Variants in KDM4C observed in about 807,000 individuals in gnomAD.
The protein encoded by KDM4C is lysine-specific demethylase 4C.
In KDM4C, 81 loss-of-function variants were observed where a neutral mutation model predicts 129.3. The observed-to-expected ratio is 0.63, with a 90% confidence interval of 0.52 to 0.75. The LOEUF (loss-of-function observed/expected upper bound fraction) is 0.75. Ranked by LOEUF, KDM4C falls within the 30% of genes least tolerant of loss-of-function variation. KDM4C has a pLI of 0.00. For missense variants in KDM4C, 1,457 were observed against 1,304.0 expected (o/e 1.12, Z -1.81); for synonymous variants, 573 against 456.1 (o/e 1.26, Z -3.26).
chr9:6,821,900 G>C (rs1564091797), intron 4 of KDM4C, among the ~76,000 whole-genome samples: 1 of 152,172 alleles, frequency 6.6e-6, no homozygotes, highest in Non-Finnish European at 1.5e-5. Context: ...CTCCCAAAGT[G>C]CTGGGATTAT....
At chr9:6,963,360 G>T (rs941528763) in intron 8 of KDM4C, among the ~76,000 whole-genome samples, 1 of 152,148 alleles carries the variant, frequency 6.6e-6, no homozygotes, top group African/African-American at 2.4e-5. Flanking sequence ...ACTCTGGTTG[G>T]GAGTTGCAGT....
intron 1 of KDM4C, among the ~76,000 whole-genome samples, chr9:6,759,476 AGTTT>A: frequency 6.6e-6 from 1 of 152,184 alleles, no homozygotes; most frequent in African/African-American, 2.4e-5. Flanking sequence ...ACCCGCCCAT[AGTTT>A]GTTTTGGAAC....
chr9:6,740,574 A>G (rs1243075928), intron 1 of KDM4C, among the ~76,000 whole-genome samples: 1 of 151,906 alleles, frequency 6.6e-6, no homozygotes, highest in East Asian at 1.9e-4. Flanking sequence ...GATCTAGTGC[A>G]GTGGCACGAT....
At chr9:7,088,339 G>C (rs113764398) in intron 17 of KDM4C, among the ~76,000 whole-genome samples, 132 of 152,288 alleles carry the variant, frequency 8.7e-4, no homozygotes, top group African/African-American at 3.0e-3. Context: ...CTTTAATCCA[G>C]CTCTTGTTGT....
chr9:6,821,778 G>A (rs1416122191), intron 4 of KDM4C, among the ~76,000 whole-genome samples: 5 of 151,684 alleles, frequency 3.3e-5, no homozygotes, highest in Non-Finnish European at 7.4e-5. Flanking sequence ...GGGATTACAG[G>A]TGCATGCCAC....
At chr9:7,122,555 A>G (rs1839619637) in intron 18 of KDM4C, among the ~76,000 whole-genome samples, 1 of 152,218 alleles carries the variant, frequency 6.6e-6, no homozygotes, top group Non-Finnish European at 1.5e-5. Context: ...TAGATGTTAC[A>G]TCATCTATTT....
intron 19 of KDM4C, among the ~76,000 whole-genome samples, chr9:7,161,573 C>T (rs940743168): frequency 6.6e-6 from 1 of 152,190 alleles, no homozygotes; most frequent in African/African-American, 2.4e-5. Context: ...AGATCTCCCC[C>T]CTTGCAAGGA....
At chr9:7,076,512 C>G (rs1833936495) in intron 17 of KDM4C, 3 of 1,547,168 alleles carry the variant, frequency 1.9e-6, no homozygotes, top group Non-Finnish European at 2.6e-6. Flanking sequence ...AACATCAATT[C>G]ATTAGGAAAG....
intron 19 of KDM4C, among the ~76,000 whole-genome samples, chr9:7,130,278 C>A (rs1347706074): frequency 6.6e-6 from 1 of 152,186 alleles, no homozygotes; most frequent in Non-Finnish European, 1.5e-5. Flanking sequence ...GGTCTTTAGC[C>A]ATGATAGGAA....
At chr9:6,780,076 C>G (rs1040698282) in intron 1 of KDM4C, among the ~76,000 whole-genome samples, 3 of 152,134 alleles carry the variant, frequency 2.0e-5, no homozygotes, top group Non-Finnish European at 2.9e-5. Context: ...ACCATACATT[C>G]TCTCTAAAGA....
chr9:7,015,897 T>G lies in KDM4C; in HGVS notation c.2227T>G (p.Cys743Gly). ...TCATGAGATCTGTGATGGATGGCTG[T>G]GTGCCCGGTGCAAAAGAAATGCGTG... ...PSHEICDGWL[C>G]ARCKRNAWTA... is the part of the protein sequence containing the mutation. Residue 743 changes from cysteine (C) to glycine (G), a missense_variant, in exon 15 of 22, where the codon TGT becomes GGT. By Grantham distance (159) the Cys-to-Gly change is radical. Transcript: ENST00000381309. 6.2e-7 allele frequency: 1 copy of G among 1,613,314 alleles called. No homozygotes were observed. Among genetic ancestry groups the G allele is most frequent in the South Asian group, 1.1e-5 (1 of 90,972 alleles).
At chr9:7,003,589 C>G (rs966483121) in intron 12 of KDM4C, among the ~76,000 whole-genome samples, 6 of 152,100 alleles carry the variant, frequency 3.9e-5, no homozygotes, top group African/African-American at 1.2e-4. Context: ...CTATATACAT[C>G]CATTTAATTT....
At chr9:6,798,605 A>G (rs943405446) in intron 2 of KDM4C, among the ~76,000 whole-genome samples, 45 of 152,312 alleles carry the variant, frequency 3.0e-4, no homozygotes, top group Admixed American at 2.0e-3. Flanking sequence ...TTTTCTTAGT[A>G]TAGAACAAAA....
At chr9:7,153,936 C>T (rs973259497) in intron 19 of KDM4C, among the ~76,000 whole-genome samples, 2 of 152,182 alleles carry the variant, frequency 1.3e-5, no homozygotes, top group Admixed American at 6.5e-5. Context: ...TGCTGTAGGC[C>T]TGTGGGTGCT....
intron 15 of KDM4C, among the ~76,000 whole-genome samples, chr9:7,032,279 C>T (rs1826909442): frequency 6.6e-6 from 1 of 152,222 alleles, no homozygotes. Flanking sequence ...GTCCTGTCTA[C>T]AGCAAGAGTT....
intron 8 of KDM4C, among the ~76,000 whole-genome samples, chr9:6,905,990 A>T (rs1818242583): frequency 6.6e-6 from 1 of 152,182 alleles, no homozygotes; most frequent in Non-Finnish European, 1.5e-5. Context: ...GTTGTGGAGA[A>T]TCTGGAGCCC....
At chr9:6,782,000 C>T (rs1425566502) in intron 1 of KDM4C, among the ~76,000 whole-genome samples, 2 of 151,602 alleles carry the variant, frequency 1.3e-5, no homozygotes, top group African/African-American at 4.8e-5. Flanking sequence ...AATTTTTGTG[C>T]TTTTAGTAGA....
At chr9:6,861,412 A>G (rs1840899595) in intron 5 of KDM4C, among the ~76,000 whole-genome samples, 1 of 152,222 alleles carries the variant, frequency 6.6e-6, no homozygotes, top group South Asian at 2.1e-4. Flanking sequence ...AGGGATAAAT[A>G]TTACAAAGTC....
rs1479934236 is a variant in KDM4C, at chr9:6,861,766, ATTTC to A, written c.629+12078_629+12081del. On this transcript the variant is annotated intron_variant, in intron 5 of 21. Coordinates refer to ENST00000381309, the MANE Select transcript of KDM4C (RefSeq NM_015061.6). ...TGCATAAAGTTACTTTACAATATATATTTCTTTCTTTCTTTTTTTTTTTTCTCGA... is the reference window on the plus strand; with the variant it reads ...TGCATAAAGTTACTTTACAATATATATTTCTTTCTTTTTTTTTTTTCTCGA... Among the ~76,000 whole-genome samples the A allele has an allele frequency of 2.0e-5, 3 of 150,002 alleles. No individual in the cohort carries two copies. In the East Asian group the frequency reaches 5.8e-4, roughly 29 times the overall value.
Sources: gnomAD v4.1 joint callset for allele counts (sites outside exome capture counted in the v4.1 genomes callset) on GRCh38, gnomAD v4.1.1 for gene constraint, MANE v1.5 for transcripts, NCBI Gene and HGNC (gene_info 2026-07-23, HGNC 2026-07-21) for gene names.